Variants in MAGI1 observed in about 807,000 individuals in gnomAD.
MAGI1 encodes membrane-associated guanylate kinase, WW and PDZ domain-containing protein 1.
MAGI1 carries 58 observed loss-of-function variants against 139.9 expected under a neutral mutation model. The ratio of observed to expected loss-of-function variants is 0.41; its 90% CI spans 0.34 to 0.52. MAGI1 has a LOEUF of 0.52. Ranked by LOEUF, MAGI1 falls within the 20% of genes least tolerant of loss-of-function variation. The probability of loss-of-function intolerance (pLI) is 0.12; values close to 1 mark genes in which losing one functional copy is unlikely to be tolerated. For missense variants in MAGI1, 1,874 were observed against 1,901.6 expected, an observed-to-expected ratio of 0.99 and a Z score of 0.27; for synonymous variants, 812 against 737.9, an observed-to-expected ratio of 1.10 and a Z score of -1.63.
chr3:65,359,363 C>G, intron 22 of MAGI1: 2 of 1,357,218 alleles, frequency 1.5e-6, no homozygotes, highest in Non-Finnish European at 1.9e-6. Flanking sequence ...GGAACAGTGA[C>G]ATTTTTAGAC....
At chr3:65,811,177 A>G (rs2041206604) in intron 1 of MAGI1, among the ~76,000 whole-genome samples, 1 of 152,218 alleles carries the variant, frequency 6.6e-6, no homozygotes, top group Non-Finnish European at 1.5e-5. Context: ...AGGCAACTTC[A>G]TAGGATAATC....
chr3:65,625,015 G>A (rs1237656078), intron 1 of MAGI1, among the ~76,000 whole-genome samples: 1 of 152,052 alleles, frequency 6.6e-6, no homozygotes, highest in Non-Finnish European at 1.5e-5. Flanking sequence ...AGGGATTACA[G>A]GCATCTTCCA....
chr3:65,562,011 T>C (rs1025011697), intron 2 of MAGI1, among the ~76,000 whole-genome samples: 1 of 152,224 alleles, frequency 6.6e-6, no homozygotes, highest in Non-Finnish European at 1.5e-5. Flanking sequence ...TAAATTTTAT[T>C]ACAGTATATC....
intron 1 of MAGI1, among the ~76,000 whole-genome samples, chr3:65,815,445 T>C (rs914495271): frequency 1.3e-5 from 2 of 152,174 alleles, no homozygotes; most frequent in African/African-American, 4.8e-5. Flanking sequence ...GATGCCTTCC[T>C]ACGCCAAAAT....
intron 1 of MAGI1, among the ~76,000 whole-genome samples, chr3:65,819,875 CAAAAAAAAAA>C (rs3077818): frequency 6.0e-5 from 2 of 33,476 alleles, no homozygotes; most frequent in Admixed American, 5.9e-4. Context: ...GACTCCATCT[CAAAAAAAAAA>C]AAAAAAAAAA....
At chr3:65,439,589 T>A (rs1203508498) in intron 9 of MAGI1, among the ~76,000 whole-genome samples, 1 of 152,184 alleles carries the variant, frequency 6.6e-6, no homozygotes, top group African/African-American at 2.4e-5. Flanking sequence ...GCAATGCAAA[T>A]ACTGCGGGGG....
At chr3:65,865,834 T>G (rs1471522864) in intron 1 of MAGI1, among the ~76,000 whole-genome samples, 1 of 152,136 alleles carries the variant, frequency 6.6e-6, no homozygotes, top group Non-Finnish European at 1.5e-5. Flanking sequence ...GAGACACGGT[T>G]TCACCATGTT....
chr3:65,654,564 T>C (rs964545486), intron 1 of MAGI1, among the ~76,000 whole-genome samples: 1 of 152,108 alleles, frequency 6.6e-6, no homozygotes, highest in Admixed American at 6.5e-5. Context: ...CAAATTCAAA[T>C]CTCCATTCAA....
At chr3:65,703,884 C>G (rs941926150) in intron 1 of MAGI1, among the ~76,000 whole-genome samples, 1 of 152,154 alleles carries the variant, frequency 6.6e-6, no homozygotes, top group East Asian at 1.9e-4. Flanking sequence ...ACCCTGGGAA[C>G]TGTTAACTTC....
intron 2 of MAGI1, among the ~76,000 whole-genome samples, chr3:65,593,242 C>A (rs981043175): frequency 6.6e-6 from 1 of 152,130 alleles, no homozygotes; most frequent in Admixed American, 6.5e-5. Context: ...CATGACTCCA[C>A]AATTAATGAG....
intron 1 of MAGI1, among the ~76,000 whole-genome samples, chr3:65,958,136 A>T (rs533680061): frequency 3.9e-5 from 6 of 152,222 alleles, no homozygotes; most frequent in Non-Finnish European, 8.8e-5. Flanking sequence ...TGCCCTTCTC[A>T]ATCAAATGAC....
intron 1 of MAGI1, among the ~76,000 whole-genome samples, chr3:65,914,411 C>T (rs540243937): frequency 1.3e-5 from 2 of 152,244 alleles, no homozygotes; most frequent in African/African-American, 4.8e-5. Flanking sequence ...ATTCAAATGC[C>T]ATCAGGGGCC....
At chr3:65,671,324 A>G (rs2086845218) in intron 1 of MAGI1, among the ~76,000 whole-genome samples, 1 of 152,126 alleles carries the variant, frequency 6.6e-6, no homozygotes, top group African/African-American at 2.4e-5. Context: ...CTGCATTGCT[A>G]TGCACTGTAG....
intron 1 of MAGI1, among the ~76,000 whole-genome samples, chr3:65,883,235 A>G (rs2060404984): frequency 6.6e-6 from 1 of 152,204 alleles, no homozygotes; most frequent in South Asian, 2.1e-4. Flanking sequence ...ATAAAAAAGG[A>G]TTCAGGCATT....
chr3:65,861,589 C>G lies in MAGI1; in HGVS notation c.313+176407G>C, dbSNP rs1016543828. Among the ~76,000 whole-genome samples the G allele has an allele frequency of 2.0e-5, 3 of 152,040 alleles. No individual in the cohort carries two copies. In the East Asian group the frequency reaches 5.8e-4, roughly 29 times the overall value. The stretch of plus-strand genomic sequence containing the variant: ...GATTATTATAAATAAAGATGGGTAA[C>G]AGTGCAGCATGAACAGAGAAGAGGG... On this transcript the variant is annotated intron_variant, in intron 1 of 22. Coordinates refer to ENST00000402939, the MANE Select transcript of MAGI1 (RefSeq NM_001033057.2).
chr3:65,429,251 C>T (rs1352849982), intron 12 of MAGI1, among the ~76,000 whole-genome samples: 1 of 152,034 alleles, frequency 6.6e-6, no homozygotes, highest in Non-Finnish European at 1.5e-5. Context: ...GTGGGTACCA[C>T]CACACCCAAC....
chr3:65,852,773 G>C (rs2059247854), intron 1 of MAGI1, among the ~76,000 whole-genome samples: 2 of 151,862 alleles, frequency 1.3e-5, no homozygotes, highest in East Asian at 2.0e-4. Flanking sequence ...AAAGTACTTG[G>C]ATTACAGGCG....
At chr3:65,485,915 A>G (rs1575964719) in intron 3 of MAGI1, among the ~76,000 whole-genome samples, 2 of 152,306 alleles carry the variant, frequency 1.3e-5, no homozygotes, top group African/African-American at 4.8e-5. Context: ...AAACTTCGCC[A>G]GCTCCCCCCA....
chr3:65,496,784 C>G (rs1198652187), intron 2 of MAGI1, among the ~76,000 whole-genome samples: 1 of 152,154 alleles, frequency 6.6e-6, no homozygotes, highest in Non-Finnish European at 1.5e-5. Flanking sequence ...AACAAACCTG[C>G]ATGTCATAGG....
Sources: gnomAD v4.1 joint callset for allele counts (sites outside exome capture counted in the v4.1 genomes callset) on GRCh38, gnomAD v4.1.1 for gene constraint, MANE v1.5 for transcripts, NCBI Gene and HGNC (gene_info 2026-07-23, HGNC 2026-07-21) for gene names.